UGT1A9: variants seen among roughly 807,000 people sequenced by gnomAD.
UGT1A9 encodes the protein UDP glucuronosyltransferase family 1 member A9, also known as UDP-glucuronosyltransferase 1A9.
A neutral mutation model predicts 45.0 loss-of-function variants in UGT1A9; 35 were observed. The observed-to-expected ratio is 0.78, with a 90% CI of 0.59 to 1.03. The LOEUF is 1.03. Among genes scored for constraint, UGT1A9 ranks in the 50% least tolerant of loss-of-function variants. The probability of loss-of-function intolerance (pLI) is 0.00; values close to 1 mark genes in which losing one functional copy is unlikely to be tolerated. For missense variants in UGT1A9, 687 were observed against 666.6 expected (o/e 1.03, Z -0.34); for synonymous variants, 278 against 250.6 (o/e 1.11, Z -1.03).
chr2:233,717,899 T>A (rs1410240697), intron 1 of UGT1A9: 2 of 454,694 alleles, frequency 4.4e-6, no homozygotes, highest in Non-Finnish European at 8.8e-6. Flanking sequence ...ATCTTCAGGA[T>A]GAAATAAAGG....
intron 1 of UGT1A9, among the ~76,000 whole-genome samples, chr2:233,726,280 G>C (rs906128531): frequency 6.6e-6 from 1 of 152,198 alleles, no homozygotes; most frequent in Non-Finnish European, 1.5e-5. Context: ...ATGGTCCCAG[G>C]TACTTGGGAG....
In UGT1A9 at chr2:233,707,494, G is replaced by A. The variant is rs114941817; in HGVS notation, c.855+34705G>A. On this transcript the variant is annotated intron_variant, in intron 1 of 4. Coordinates refer to ENST00000354728, the MANE Select transcript of UGT1A9 (RefSeq NM_021027.3). The stretch of plus-strand genomic sequence containing the variant: ...TAATACAGATGATTTTACCTGTTTC[G>A]GTACTTAACATAAATAGAATTTTAC... 7.8e-3 allele frequency among the ~76,000 whole-genome samples: 1,157 copies of A among 148,098 alleles called. 11 individuals are homozygous for A. Among genetic ancestry groups the A allele is most frequent in the African/African-American group, 0.026 (1,051 of 40,534 alleles).
Position 233,707,497 on chromosome 2 carries a change from A to G in UGT1A9, c.855+34708A>G, listed in dbSNP as rs149948213. Among the ~76,000 whole-genome samples, 324 of 148,662 alleles carry G rather than the reference A, an allele frequency of 2.2e-3. 2 individuals carry two copies. The highest frequency in any genetic ancestry group is 7.6e-3 in the African/African-American group (311 of 40,728). On this transcript the variant is annotated intron_variant, in intron 1 of 4. Coordinates refer to ENST00000354728, the MANE Select transcript of UGT1A9 (RefSeq NM_021027.3). ...TACAGATGATTTTACCTGTTTCGGT[A>G]CTTAACATAAATAGAATTTTACTGT...
At chr2:233,688,947 C>A (rs2074920768) in intron 1 of UGT1A9, among the ~76,000 whole-genome samples, 1 of 152,108 alleles carries the variant, frequency 6.6e-6, no homozygotes, top group Non-Finnish European at 1.5e-5. Flanking sequence ...AGCATGAAGC[C>A]AAATGTTTGG....
At chr2:233,693,627 G>T in intron 1 of UGT1A9, 2 of 1,614,182 alleles carry the variant, frequency 1.2e-6, no homozygotes, top group Non-Finnish European at 1.7e-6. Context: ...TTTTCCCAAC[G>T]AGTGGCCAAC....
intron 1 of UGT1A9, among the ~76,000 whole-genome samples, chr2:233,766,404 G>A (rs990056235): frequency 5.3e-5 from 8 of 152,282 alleles, no homozygotes; most frequent in Non-Finnish European, 1.0e-4. Context: ...GCGTCCCTCC[G>A]CTGATGTGCT....
chr2:233,682,061 C>A, intron 1 of UGT1A9: 2 of 1,614,098 alleles, frequency 1.2e-6, no homozygotes, highest in South Asian at 1.1e-5. Context: ...GTTCACCATG[C>A]AGTCGGTGGT....
intron 1 of UGT1A9, among the ~76,000 whole-genome samples, chr2:233,753,993 T>C (rs970764565): frequency 1.4e-4 from 22 of 152,184 alleles, no homozygotes; most frequent in Admixed American, 1.4e-3. Context: ...GCCACCAAGT[T>C]TGGGTAATTT....
intron 1 of UGT1A9, chr2:233,742,939 C>T (rs750908913): frequency 4.7e-6 from 1 of 212,356 alleles, no homozygotes; most frequent in Non-Finnish European, 9.5e-6. Context: ...TTCTGTCCTA[C>T]CACTAGCAAA....
intron 1 of UGT1A9, among the ~76,000 whole-genome samples, chr2:233,745,770 A>C (rs1250440901): frequency 1.3e-5 from 2 of 148,808 alleles, no homozygotes. Flanking sequence ...GAGAGGAGGA[A>C]TGAGCTTAGA....
chr2:233,704,197 T>C (rs914829161), intron 1 of UGT1A9, among the ~76,000 whole-genome samples: 5 of 151,924 alleles, frequency 3.3e-5, no homozygotes, highest in African/African-American at 1.2e-4. Context: ...GGCCCCATTT[T>C]ACTTTTTATG....
intron 1 of UGT1A9, among the ~76,000 whole-genome samples, chr2:233,683,102 A>G (rs1326746193): frequency 1.3e-5 from 2 of 152,156 alleles, no homozygotes; most frequent in Non-Finnish European, 2.9e-5. Flanking sequence ...CTAATTCTAC[A>G]CTACCCCCAG....
At chr2:233,729,554 C>T in intron 1 of UGT1A9, 1 of 1,614,178 alleles carries the variant, frequency 6.2e-7, no homozygotes, top group Non-Finnish European at 8.5e-7. Flanking sequence ...CACCTGAATG[C>T]TACTTCCTTT....
chr2:233,691,739 T>C (rs1209957250), intron 1 of UGT1A9: 1 of 680,588 alleles, frequency 1.5e-6, no homozygotes, highest in Non-Finnish European at 1.8e-6. Flanking sequence ...CAGAAGCAGA[T>C]ACCAGGCTTT....
chr2:233,690,902 G>A (rs2075020520), intron 1 of UGT1A9: 1 of 1,031,348 alleles, frequency 9.7e-7, no homozygotes, highest in Non-Finnish European at 1.2e-6. Context: ...GGTATGCATA[G>A]TGATGTTAGT....
At chr2:233,765,135 A>G (rs1248346894) in intron 1 of UGT1A9, among the ~76,000 whole-genome samples, 1 of 152,126 alleles carries the variant, frequency 6.6e-6, no homozygotes, top group Non-Finnish European at 1.5e-5. Flanking sequence ...TTAGCACTGA[A>G]CATCACATGT....
chr2:233,733,834 A>G (rs887366512), intron 1 of UGT1A9, among the ~76,000 whole-genome samples: 1 of 152,086 alleles, frequency 6.6e-6, no homozygotes, highest in Admixed American at 6.6e-5. Flanking sequence ...TGAGTTAGGG[A>G]GGATTCCCTC....
chr2:233,687,321 A>G (rs2074832888), intron 1 of UGT1A9, among the ~76,000 whole-genome samples: 1 of 152,152 alleles, frequency 6.6e-6, no homozygotes, highest in Non-Finnish European at 1.5e-5. Context: ...TCTTGATGCA[A>G]GTTTCCCTTG....
chr2:233,718,938 C>T, intron 1 of UGT1A9: 1 of 1,614,130 alleles, frequency 6.2e-7, no homozygotes, highest in Non-Finnish European at 8.5e-7. Context: ...TGATGGCAGC[C>T]CCTGGCTCAG....
Sources: gnomAD v4.1 joint callset for allele counts (sites outside exome capture counted in the v4.1 genomes callset) on GRCh38, gnomAD v4.1.1 for gene constraint, MANE v1.5 for transcripts, NCBI Gene and HGNC (gene_info 2026-07-23, HGNC 2026-07-21) for gene names.